Variants in TXNDC16 observed in about 807,000 individuals in gnomAD.
TXNDC16 encodes thioredoxin domain containing 16.
A neutral mutation model predicts 85.6 loss-of-function variants in TXNDC16; 74 were observed. The ratio of observed to expected loss-of-function variants is 0.86; its 90% CI spans 0.72 to 1.05. The LOEUF (loss-of-function observed/expected upper bound fraction) is 1.05. Ranked by LOEUF, TXNDC16 falls within the 50% of genes least tolerant of loss-of-function variation. The pLI, the probability that TXNDC16 is intolerant of heterozygous loss-of-function variation, is 0.00. For synonymous variants in TXNDC16, 335 were observed against 326.5 expected (o/e 1.03, Z -0.28); for missense variants, 959 against 947.0 (o/e 1.01, Z -0.17).
At chr14:52,499,943 G>A (rs1436790610) in intron 9 of TXNDC16, among the ~76,000 whole-genome samples, 3 of 151,944 alleles carry the variant, frequency 2.0e-5, no homozygotes, top group South Asian at 4.1e-4. Context: ...ATTTAATTTT[G>A]TATTATTTTT....
chr14:52,537,552 G>A, intron 5 of TXNDC16, 47 bp downstream of exon 5: 1 of 1,273,384 alleles, frequency 7.9e-7, no homozygotes, highest in Non-Finnish European at 1.1e-6. Context: ...GAATATTCTA[G>A]AAGTATAGCT....
At chr14:52,475,990 T>C (rs138083651) in intron 14 of TXNDC16, among the ~76,000 whole-genome samples, 1 of 152,218 alleles carries the variant, frequency 6.6e-6, no homozygotes, top group African/African-American at 2.4e-5. Flanking sequence ...CCACAGATGG[T>C]TGACACCACA....
At chr14:52,500,656 C>G (rs1387812111) in intron 9 of TXNDC16, among the ~76,000 whole-genome samples, 1 of 152,122 alleles carries the variant, frequency 6.6e-6, no homozygotes, top group African/African-American at 2.4e-5. Context: ...TTAGGAAACA[C>G]TATGCTGCAC....
chr14:52,551,875 C>A (rs2038058981), intron 1 of TXNDC16, among the ~76,000 whole-genome samples: 1 of 152,180 alleles, frequency 6.6e-6, no homozygotes, highest in African/African-American at 2.4e-5. Context: ...ATCATACTTA[C>A]AAGTCTGTTT....
chr14:52,537,930 G>T (rs1483798687), intron 4 of TXNDC16, among the ~76,000 whole-genome samples: 1 of 152,116 alleles, frequency 6.6e-6, no homozygotes, highest in Admixed American at 6.5e-5. Context: ...CACATTTAAG[G>T]CAAGACAAAA....
intron 1 of TXNDC16, among the ~76,000 whole-genome samples, chr14:52,547,878 T>A (rs2037971636): frequency 6.6e-6 from 1 of 152,206 alleles, no homozygotes; most frequent in Non-Finnish European, 1.5e-5. Flanking sequence ...AAGGAAAGCA[T>A]TTGTTGACGA....
intron 6 of TXNDC16, among the ~76,000 whole-genome samples, chr14:52,525,876 G>A (rs576108530): frequency 2.6e-5 from 4 of 151,846 alleles, no homozygotes; most frequent in Non-Finnish European, 5.9e-5. Context: ...AAATGGCAGA[G>A]AATCTGCTAT....
chr14:52,510,301 T>C (rs770255615), intron 9 of TXNDC16, among the ~76,000 whole-genome samples: 1 of 152,216 alleles, frequency 6.6e-6, no homozygotes, highest in African/African-American at 2.4e-5. Context: ...TTTCTTAATG[T>C]CTTTCAAAAC....
chr14:52,481,049 A>C (rs2036139877), intron 14 of TXNDC16, among the ~76,000 whole-genome samples: 1 of 150,296 alleles, frequency 6.7e-6, no homozygotes, highest in African/African-American at 2.4e-5. Context: ...TGGCATTTGC[A>C]GTGACCAGGA....
chr14:52,432,635 G>C (rs548097792), intron 20 of TXNDC16, 48 bp from the exon 21 acceptor site: 1 of 1,476,510 alleles, frequency 6.8e-7, no homozygotes, highest in African/African-American at 1.4e-5. Flanking sequence ...GCTATAAATC[G>C]TCACATCAAC....
chr14:52,530,350 ATAAT>A (rs1221538602), intron 6 of TXNDC16, among the ~76,000 whole-genome samples: 2 of 43,740 alleles, frequency 4.6e-5, no homozygotes, highest in East Asian at 2.7e-3. Flanking sequence ...ATTATATATT[ATAAT>A]ATAATATATA....
intron 14 of TXNDC16, among the ~76,000 whole-genome samples, chr14:52,474,061 T>C (rs190510167): frequency 3.9e-5 from 6 of 152,320 alleles, no homozygotes; most frequent in East Asian, 3.9e-4. Context: ...ATAAAGAACA[T>C]AGTGAATGAA....
chr14:52,469,971 T>TA, intron 16 of TXNDC16, 66 bp downstream of exon 16: 1 of 1,409,600 alleles, frequency 7.1e-7, no homozygotes. Flanking sequence ...AAGATATTCT[T>TA]AAAAAATAAA....
chr14:52,513,604 A>G (rs2037007111), intron 8 of TXNDC16, among the ~76,000 whole-genome samples: 1 of 152,014 alleles, frequency 6.6e-6, no homozygotes, highest in Non-Finnish European at 1.5e-5. Context: ...AAAATCTTAC[A>G]GAAAAATACC....
At chr14:52,513,205 T>C (rs760310504) in intron 8 of TXNDC16, among the ~76,000 whole-genome samples, 19 of 152,188 alleles carry the variant, frequency 1.2e-4, no homozygotes, top group Non-Finnish European at 2.4e-4. Context: ...CAATATGATA[T>C]AGCAATTAAT....
At chr14:52,489,586 T>G (rs1486148468) in intron 11 of TXNDC16, among the ~76,000 whole-genome samples, 5 of 152,218 alleles carry the variant, frequency 3.3e-5, no homozygotes, top group East Asian at 1.9e-4. Flanking sequence ...GTTCCAAATA[T>G]TCACAGAAAT....
At chr14:52,549,448 C>T (rs1364237019) in intron 1 of TXNDC16, among the ~76,000 whole-genome samples, 1 of 152,106 alleles carries the variant, frequency 6.6e-6, no homozygotes, top group Non-Finnish European at 1.5e-5. Flanking sequence ...ATATTAAGCT[C>T]CAAAAGACAT....
intron 16 of TXNDC16, among the ~76,000 whole-genome samples, chr14:52,468,245 G>T (rs898083921): frequency 6.6e-6 from 1 of 152,002 alleles, no homozygotes; most frequent in African/African-American, 2.4e-5. Context: ...TAAATTTTAC[G>T]TTATGTGTAT....
intron 4 of TXNDC16, among the ~76,000 whole-genome samples, chr14:52,539,175 T>A (rs748106612): frequency 4.6e-5 from 7 of 152,310 alleles, no homozygotes; most frequent in Non-Finnish European, 5.9e-5. Context: ...TGTTAAGTCC[T>A]ATAAATAAAA....
Sources: allele counts gnomAD v4.1 joint callset (sites outside exome capture counted in the v4.1 genomes callset), GRCh38; gene constraint gnomAD v4.1.1; transcripts MANE v1.5; gene names NCBI Gene and HGNC (gene_info 2026-07-23, HGNC 2026-07-21).